ZNF385C: variants seen among roughly 807,000 people sequenced by gnomAD.
ZNF385C encodes zinc finger protein 385C.
Under a neutral mutation model 35.4 loss-of-function variants are expected in ZNF385C, and 28 were observed. The observed-to-expected ratio is 0.79, with a 90% CI of 0.59 to 1.08. ZNF385C has a LOEUF of 1.08. Ranked by LOEUF, ZNF385C falls within the 50% of genes least tolerant of loss-of-function variation. The probability of loss-of-function intolerance (pLI) is 0.00; values close to 1 mark genes in which losing one functional copy is unlikely to be tolerated. For synonymous variants in ZNF385C, 248 were observed against 248.2 expected, an observed-to-expected ratio of 1.00 and a Z score of 0.01; for missense variants, 605 against 595.6, an observed-to-expected ratio of 1.02 and a Z score of -0.16.
At position 42,040,026 on chromosome 17, in the gene ZNF385C, G is replaced by A. The variant is rs962753832; in HGVS notation, c.251-2141C>T. On this transcript the variant is annotated intron_variant, in intron 2 of 8. Coordinates refer to ENST00000692273, the MANE Select transcript of ZNF385C (RefSeq NM_001392013.1). ...CCCGCGGGCCGAGCCGCCCAAGGCC[G>A]AATACTACGCGCTTAAACAGCGCGA... 3.2e-5 allele frequency: 39 copies of A among 1,231,108 alleles called. No homozygotes were observed. In the African/African-American group the frequency reaches 4.5e-4, roughly 14 times the overall value. The allele number at this position is 1,231,108 out of a possible 1,614,324, so 76.3% of individuals were successfully genotyped here. A position where few individuals can be genotyped will look rare whatever the true frequency, so the allele number is the denominator to read the frequency against.
intron 4 of ZNF385C, 58 bp from the exon 5 acceptor site, chr17:42,031,842 G>A: frequency 6.5e-7 from 1 of 1,527,008 alleles, no homozygotes; most frequent in Non-Finnish European, 8.8e-7. Context: ...TGCCCCATCT[G>A]TGAACTGGAG....
At chr17:42,097,268 T>C (rs1174305272) in intron 1 of ZNF385C, among the ~76,000 whole-genome samples, 2 of 152,016 alleles carry the variant, frequency 1.3e-5, no homozygotes, top group Non-Finnish European at 2.9e-5. Flanking sequence ...AACTCAGCTC[T>C]AACTGACCCC....
intron 1 of ZNF385C, among the ~76,000 whole-genome samples, chr17:42,066,962 A>G (rs1311244442): frequency 6.6e-6 from 1 of 152,130 alleles, no homozygotes; most frequent in Non-Finnish European, 1.5e-5. Flanking sequence ...CCAGGTACTC[A>G]GGAGGCTGAG....
chr17:42,030,457 C>T (rs1488557068), intron 5 of ZNF385C, among the ~76,000 whole-genome samples: 1 of 152,068 alleles, frequency 6.6e-6, no homozygotes, highest in East Asian at 1.9e-4. Context: ...CGCTGTGCTC[C>T]AGCCTGGGAG....
rs1555654423 is a variant in ZNF385C at position 42,027,698 on chromosome 17, G to C, written c.1195C>G (p.Leu399Val). ...GAGGGCTTGGGGGTCTTCCCGGCCAGGCGGTCTTTGTGCCTCCTGCTGCTC... is the reference window on the plus strand; with the variant it reads ...GAGGGCTTGGGGGTCTTCCCGGCCACGCGGTCTTTGTGCCTCCTGCTGCTC... ...HMSSRRHKDRLAGKTPKPSSQ... is the reference protein window; with the variant it reads ...HMSSRRHKDRVAGKTPKPSSQ... The change falls in exon 8 of 9, where the codon CTG becomes GTG. Residue 399 changes from leucine (L) to valine (V), a missense_variant. Coordinates refer to ENST00000692273, the MANE Select transcript of ZNF385C (RefSeq NM_001392013.1). The C allele has an allele frequency of 6.2e-7, 1 of 1,612,896 alleles. No individual in the cohort carries two copies. Among genetic ancestry groups the C allele is most frequent in the Non-Finnish European group, 8.5e-7 (1 of 1,179,612 alleles).
intron 2 of ZNF385C, chr17:42,040,667 A>T (rs2052996904): frequency 8.1e-7 from 1 of 1,232,152 alleles, no homozygotes; most frequent in South Asian, 4.1e-5. Context: ...GGCAGCAGGG[A>T]GGCCCAGGGC....
intron 4 of ZNF385C, 87 bp from the exon 5 acceptor site, chr17:42,031,871 C>T: frequency 6.9e-7 from 1 of 1,452,842 alleles, no homozygotes; most frequent in South Asian, 1.3e-5. Flanking sequence ...GGGGACAGGT[C>T]AAAGGGAGGC....
intron 1 of ZNF385C, among the ~76,000 whole-genome samples, chr17:42,065,826 C>T (rs1302852250): frequency 1.3e-5 from 2 of 151,874 alleles, no homozygotes; most frequent in African/African-American, 4.8e-5. Context: ...CCATGCCCAG[C>T]CAAGAGCAGG....
At chr17:42,072,065 G>A (rs782588136) in intron 1 of ZNF385C, among the ~76,000 whole-genome samples, 4 of 152,218 alleles carry the variant, frequency 2.6e-5, no homozygotes, top group African/African-American at 4.8e-5. Flanking sequence ...CTGTGAATGA[G>A]GTGGAGGGTG....
At chr17:42,039,550 G>C (rs1343455819) in intron 2 of ZNF385C, 4 of 584,710 alleles carry the variant, frequency 6.8e-6, no homozygotes, top group South Asian at 1.9e-4. Context: ...GGTGGGGGGG[G>C]TTGGTGGGAA....
chr17:42,077,077 G>A (rs1178238684), intron 1 of ZNF385C, among the ~76,000 whole-genome samples: 3 of 152,106 alleles, frequency 2.0e-5, no homozygotes, highest in Non-Finnish European at 2.9e-5. Flanking sequence ...TTTTGTCTGT[G>A]GATGACTCTT....
intron 1 of ZNF385C, among the ~76,000 whole-genome samples, chr17:42,094,273 G>A (rs552810652): frequency 2.6e-4 from 40 of 152,362 alleles, no homozygotes; most frequent in African/African-American, 8.7e-4. Flanking sequence ...GTGAGCCACC[G>A]TGCCTGGCTG....
At chr17:42,040,973 C>G (rs1441254216) in intron 2 of ZNF385C, 1 of 1,232,164 alleles carries the variant, frequency 8.1e-7, no homozygotes, top group African/African-American at 1.6e-5. Flanking sequence ...TGCAGGATGT[C>G]CAAGAGCTGG....
chr17:42,047,014 C>T (rs1473924871), intron 2 of ZNF385C, among the ~76,000 whole-genome samples: 2 of 148,156 alleles, frequency 1.3e-5, no homozygotes, highest in African/African-American at 2.5e-5. Flanking sequence ...AGGCACATGC[C>T]GCCATGCCCG....
At chr17:42,059,505 G>A (rs2053429209) in intron 2 of ZNF385C, among the ~76,000 whole-genome samples, 1 of 152,212 alleles carries the variant, frequency 6.6e-6, no homozygotes, top group African/African-American at 2.4e-5. Flanking sequence ...ACCCAGTACT[G>A]AGGGGCATGG....
chr17:42,031,571 A>G, intron 5 of ZNF385C, 48 bp downstream of exon 5: 3 of 1,517,606 alleles, frequency 2.0e-6, no homozygotes, highest in Non-Finnish European at 2.7e-6. Flanking sequence ...CTTGTCGGAA[A>G]CCAGATTTGG....
intron 1 of ZNF385C, among the ~76,000 whole-genome samples, chr17:42,063,392 G>A (rs536160473): frequency 6.6e-6 from 1 of 152,308 alleles, no homozygotes; most frequent in African/African-American, 2.4e-5. Flanking sequence ...GCTGGGCATG[G>A]TGGCGCATGC....
At chr17:42,052,979 G>A (rs960293118) in intron 2 of ZNF385C, among the ~76,000 whole-genome samples, 17 of 152,132 alleles carry the variant, frequency 1.1e-4, no homozygotes, top group East Asian at 9.6e-4. Flanking sequence ...CAAACTCTGC[G>A]AAGAATATGG....
chr17:42,077,539 G>T (rs1473758103), intron 1 of ZNF385C, among the ~76,000 whole-genome samples: 1 of 152,120 alleles, frequency 6.6e-6, no homozygotes, highest in Non-Finnish European at 1.5e-5. Flanking sequence ...TTTCCCAAAT[G>T]TTCAATAAGT....
Sources: allele counts gnomAD v4.1 joint callset (sites outside exome capture counted in the v4.1 genomes callset), GRCh38; gene constraint gnomAD v4.1.1; transcripts MANE v1.5; gene names NCBI Gene and HGNC (gene_info 2026-07-23, HGNC 2026-07-21).